Variants in OR10H1 observed in about 807,000 individuals in gnomAD.
The protein encoded by OR10H1 is olfactory receptor family 10 subfamily H member 1.
In OR10H1, 12 loss-of-function variants were observed where a neutral mutation model predicts 13.1. That is an observed-to-expected ratio of 0.92 (90% confidence interval 0.59 to 1.48). The LOEUF (loss-of-function observed/expected upper bound fraction) is 1.48, where lower values mean the gene tolerates loss of function less well. OR10H1 is among the 40% of genes most tolerant of loss of function. OR10H1 has a pLI of 0.00. For synonymous variants in OR10H1, 168 were observed against 175.6 expected (o/e 0.96, Z 0.34); for missense variants, 363 against 413.1 (o/e 0.88, Z 1.05).
Position 15,806,718 on chromosome 19 carries a change from T to G in OR10H1, c.*363A>C. 5.0e-6 allele frequency: 1 copy of G among 198,634 alleles called. No individual in the cohort carries two copies. The highest frequency in any genetic ancestry group is 1.0e-5 in the Non-Finnish European group (1 of 96,856). The allele number at this position is 198,634 out of a possible 1,614,324, so 12.3% of individuals were successfully genotyped here. A position where few individuals can be genotyped will look rare whatever the true frequency, so the allele number is the denominator to read the frequency against. Reference sequence around the variant, plus strand: ...CCACAGTGCTTGGCTGGAACGTAATTTTCTTTTTTTCTTTCTTTCTTTCTT... The same window carrying G: ...CCACAGTGCTTGGCTGGAACGTAATGTTCTTTTTTTCTTTCTTTCTTTCTT... On this transcript the variant is annotated 3_prime_UTR_variant, in exon 4 of 4. Coordinates refer to ENST00000641419, the MANE Select transcript of OR10H1 (RefSeq NM_013940.4).
rs1166754133 is a variant in OR10H1, at chr19:15,812,417, G to C, written c.-316C>G. Reference sequence around the variant, plus strand: ...GGAGGAAAAGAAAGAAAAAAGGGAGGAAGAAAGAGAGGGAGGGAGGGAGGA... The same window carrying C: ...GGAGGAAAAGAAAGAAAAAAGGGAGCAAGAAAGAGAGGGAGGGAGGGAGGA... On this transcript the variant is annotated 5_prime_UTR_variant, in exon 2 of 4. Coordinates refer to ENST00000641419, the MANE Select transcript of OR10H1 (RefSeq NM_013940.4). The C allele has an allele frequency of 6.8e-6, 1 of 147,750 alleles. No individual in the cohort carries two copies. The highest frequency in any genetic ancestry group is 2.2e-4 in the South Asian group (1 of 4,538). 9.2% of individuals were successfully genotyped at this position (147,750 alleles called of 1,614,324 possible).
At chr19:15,814,474 TGTGTGTGAGAGAGAGAGAGA>T (rs1392066932) in intron 1 of OR10H1, among the ~76,000 whole-genome samples, 22 of 31,446 alleles carry the variant, frequency 7.0e-4, no homozygotes, top group East Asian at 1.7e-3. Flanking sequence ...TGTGTGTGTG[TGTGTGTGAGAGAGAGAGAGA>T]GAGAGAGAGA....
Position 15,807,025 on chromosome 19 carries a change from T to C in OR10H1, c.*56A>G, listed in dbSNP as rs2088899330. On this transcript the variant is annotated 3_prime_UTR_variant, in exon 4 of 4. Coordinates refer to ENST00000641419, the MANE Select transcript of OR10H1 (RefSeq NM_013940.4). ...TACAGGCATGAGTCACCACGGAACGTAATTTTTAACAATAGCCTTCGGTAA... is the reference window on the plus strand; with the variant it reads ...TACAGGCATGAGTCACCACGGAACGCAATTTTTAACAATAGCCTTCGGTAA... 5.9e-6 allele frequency: 9 copies of C among 1,523,260 alleles called. No individual in the cohort carries two copies. The South Asian group carries it at 1.1e-4, about 19-fold the overall frequency. The allele number at this position is 1,523,260 out of a possible 1,614,324, so 94.4% of individuals were successfully genotyped here.
intron 3 of OR10H1, 79 bp from the exon 4 acceptor site, chr19:15,808,127 C>G: frequency 8.6e-7 from 1 of 1,167,098 alleles, no homozygotes; most frequent in Non-Finnish European, 1.2e-6. Context: ...TGGATTTGCC[C>G]AAGGGACTGC....
Position 15,804,558 on chromosome 19 carries a change from C to T in OR10H1, c.*2523G>A, listed in dbSNP as rs532097901. ...GTCCCTACAAAGGACATGAACTCATCATTTTTTATGGCTGCATAGTATTCC... is the reference window on the plus strand; with the variant it reads ...GTCCCTACAAAGGACATGAACTCATTATTTTTTATGGCTGCATAGTATTCC... On this transcript the variant is annotated 3_prime_UTR_variant, in exon 4 of 4. Coordinates refer to ENST00000641419, the MANE Select transcript of OR10H1 (RefSeq NM_013940.4). The T allele has an allele frequency of 6.8e-6, 1 of 146,278 alleles. No homozygotes were observed. Among genetic ancestry groups the T allele is most frequent in the Admixed American group, 6.7e-5 (1 of 14,884 alleles). 9.1% of individuals were successfully genotyped at this position (146,278 alleles called of 1,614,324 possible).
rs148400110 is a variant in OR10H1 at position 15,814,445 on chromosome 19, T to TTGTGTGTGTGTG, written c.-778+1098_-778+1109dup. 7.8e-5 allele frequency among the ~76,000 whole-genome samples: 8 copies of TTGTGTGTGTGTG among 102,058 alleles called. No individual in the cohort carries two copies. In the East Asian group the frequency reaches 2.9e-3, roughly 37 times the overall value. 67.0% of individuals were successfully genotyped at this position (102,058 alleles called of 152,430 possible). A position where few individuals can be genotyped will look rare whatever the true frequency, so the allele number is the denominator to read the frequency against. ...CCACCTGCTCCCATTGACGCCTCCC[T>TTGTGTGTGTGTG]TGTGTGTGTGTGTGTGTGTGTGTGT... On this transcript the variant is annotated intron_variant, in intron 1 of 3. Transcript: ENST00000641419.
In OR10H1 at chr19:15,807,682, C is replaced by A. The variant is rs143305519; in HGVS notation, c.356G>T (p.Gly119Val). The stretch of plus-strand genomic sequence containing the variant: ...GCAGATGGCCACGTAGCGGTCGTAG[C>A]CCATGACGGTGAGCAGGAAGGAGTG... ...FTHSFLLTVM[G>V]YDRYVAICHP... is the part of the protein sequence containing the mutation. The change falls in exon 4 of 4, where the codon GGC becomes GTC. Residue 119 changes from glycine to valine, a missense_variant. By Grantham distance (109) the Gly-to-Val change is moderately radical. Around this residue, in one of 3 missense-constraint regions of OR10H1, gnomAD observed 318 missense variants for 366.6 expected, o/e 0.87. Coordinates refer to ENST00000641419, the MANE Select transcript of OR10H1 (RefSeq NM_013940.4). 3.1e-6 allele frequency: 5 copies of A among 1,613,842 alleles called. No individual in the cohort carries two copies. The African/African-American group carries it at 5.3e-5, about 17-fold the overall frequency.
At chr19:15,813,659 T>A (rs1234323656) in intron 1 of OR10H1, among the ~76,000 whole-genome samples, 1 of 47,052 alleles carries the variant, frequency 2.1e-5, no homozygotes, top group Non-Finnish European at 4.2e-5. Context: ...AGTGGGGAGA[T>A]AGAGAGTGGG....
chr19:15,815,388 C>T (rs925707544), intron 1 of OR10H1, among the ~76,000 whole-genome samples, 167 bp downstream of exon 1: 1 of 150,788 alleles, frequency 6.6e-6, no homozygotes, highest in African/African-American at 2.4e-5. Context: ...GCTAAGCAAA[C>T]AGCACACTGA....
Position 15,807,443 on chromosome 19 carries a change from C to A in OR10H1, c.595G>T (p.Gly199Cys). Residue 199 changes from glycine (G) to cysteine (C), a missense_variant, in exon 4 of 4, where the codon GGC (glycine) becomes TGC (cysteine). By Grantham distance (159) the Gly-to-Cys change is radical. Transcript: ENST00000641419. Reference sequence around the variant, plus strand: ...GCCGTGATACACACCAAGCCCACGCCTTTGGCCACCACCAGCACATCGTCT... The same window carrying A: ...GCCGTGATACACACCAAGCCCACGCATTTGGCCACCACCAGCACATCGTCT... The part of the protein sequence containing the change: ...CGDDVLVVAK[G>C]VGLVCITALL... 1.9e-6 allele frequency: 3 copies of A among 1,614,230 alleles called. No individual in the cohort carries two copies. Among genetic ancestry groups the A allele is most frequent in the Non-Finnish European group, 8.5e-7 (1 of 1,180,050 alleles).
chr19:15,815,405 C>T lies in OR10H1; in HGVS notation c.-778+150G>A, dbSNP rs539670926. On this transcript the variant is annotated intron_variant, in intron 1 of 3. Coordinates refer to ENST00000641419, the MANE Select transcript of OR10H1 (RefSeq NM_013940.4). Reference sequence around the variant, plus strand: ...TAAGCAAACAGCACACTGACTAAGACGTGGTGAGTGGCCTCTGCCTGTCAC... The same window carrying T: ...TAAGCAAACAGCACACTGACTAAGATGTGGTGAGTGGCCTCTGCCTGTCAC... 1.3e-4 allele frequency: 19 copies of T among 151,812 alleles called. No individual in the cohort carries two copies. In the East Asian group the frequency reaches 1.7e-3, roughly 14 times the overall value. 9.4% of individuals were successfully genotyped at this position (151,812 alleles called of 1,614,324 possible).
At chr19:15,814,074 T>A (rs1599314940) in intron 1 of OR10H1, among the ~76,000 whole-genome samples, 1 of 151,992 alleles carries the variant, frequency 6.6e-6, no homozygotes, top group Non-Finnish European at 1.5e-5. Context: ...GCCTTCAGCA[T>A]TAGGGACGCT....
In OR10H1 at chr19:15,812,386, G is replaced by C. The variant is rs925584660; in HGVS notation, c.-285C>G. ...AGAGAGAGAGAGAAAAGGAGGAGGA[G>C]GAGGAGGAGGAAAAGAAAGAAAAAA... is the stretch of plus-strand genomic sequence containing the variant. On this transcript the variant is annotated 5_prime_UTR_variant, in exon 2 of 4. Coordinates refer to ENST00000641419, the MANE Select transcript of OR10H1 (RefSeq NM_013940.4). The C allele has an allele frequency of 4.0e-5, 6 of 149,978 alleles. No individual in the cohort carries two copies. The highest frequency in any genetic ancestry group is 1.5e-4 in the African/African-American group (6 of 40,250). The allele number at this position is 149,978 out of a possible 1,614,324, so 9.3% of individuals were successfully genotyped here.
intron 1 of OR10H1, 62 bp from the exon 2 acceptor site, chr19:15,812,940 G>A (rs1049397133): frequency 1.1e-4 from 17 of 152,164 alleles, no homozygotes; most frequent in Admixed American, 5.2e-4. Context: ...ACCAGTGGGT[G>A]AGAGGGAGGG....
rs138917285 is a variant in OR10H1 at position 15,807,996 on chromosome 19, G to A, written c.42C>T (p.Leu14=). 1,388 of 1,614,116 alleles carry A rather than the reference G, an allele frequency of 8.6e-4. 10 individuals carry two copies. The African/African-American group carries it at 0.016, about 19-fold the overall frequency. ...ANHSTVTQFI[L]VGFSVFPHLQ... is the part of the protein sequence containing the mutation. ...GGTGGGGGAAGACAGAGAAGCCGACGAGGATGAATTGGGTCACTGTGGAGT... is the reference window on the plus strand; with the variant it reads ...GGTGGGGGAAGACAGAGAAGCCGACAAGGATGAATTGGGTCACTGTGGAGT... The change falls in exon 4 of 4, where the codon CTC becomes CTT. Residue 14 remains leucine (L), a synonymous_variant. Transcript: ENST00000641419.
At chr19:15,814,237 G>A (rs1472949793) in intron 1 of OR10H1, among the ~76,000 whole-genome samples, 2 of 152,000 alleles carry the variant, frequency 1.3e-5, no homozygotes, top group South Asian at 2.1e-4. Context: ...TCTCCTGGGT[G>A]ACAGCATCAC....
At chr19:15,814,462 TGTGTGTGTGTGTGTGTGTGAGA>T (rs2088952210) in intron 1 of OR10H1, among the ~76,000 whole-genome samples, 1 of 88,968 alleles carries the variant, frequency 1.1e-5, no homozygotes, top group Non-Finnish European at 2.5e-5. Context: ...TGTGTGTGTG[TGTGTGTGTGTGTGTGTGTGAGA>T]GAGAGAGAGA....
intron 1 of OR10H1, among the ~76,000 whole-genome samples, chr19:15,815,232 T>A (rs1164887351): frequency 6.6e-6 from 1 of 151,506 alleles, no homozygotes; most frequent in African/African-American, 2.4e-5. Flanking sequence ...TCCCAGCTAC[T>A]CAGGAGGCTG....
At chr19:15,815,469 T>C (rs184890913) in intron 1 of OR10H1, 86 bp downstream of exon 1, 2 of 152,264 alleles carry the variant, frequency 1.3e-5, no homozygotes, top group Non-Finnish European at 2.9e-5. Flanking sequence ...AGGAGTAATA[T>C]AAACAGGTGG....
Sources: gnomAD v4.1 joint callset for allele counts (sites outside exome capture counted in the v4.1 genomes callset) on GRCh38, gnomAD v4.1.1 for gene constraint, gnomAD v4.1.1 regional missense constraint, MANE v1.5 for transcripts, NCBI Gene and HGNC (gene_info 2026-07-23, HGNC 2026-07-21) for gene names.